RARB: variants seen among roughly 807,000 people sequenced by gnomAD.
RARB encodes HBV-activated protein.
A neutral mutation model predicts 51.9 loss-of-function variants in RARB; 17 were observed. The ratio of observed to expected loss-of-function variants is 0.33; its 90% confidence interval spans 0.22 to 0.49. The LOEUF (loss-of-function observed/expected upper bound fraction) is 0.49, where lower values mean the gene tolerates loss of function less well. Among genes scored for constraint, RARB ranks in the 20% least tolerant of loss-of-function variants. The probability of loss-of-function intolerance (pLI) is 0.99; values close to 1 mark genes in which losing one functional copy is unlikely to be tolerated. For missense variants in RARB, 369 were observed against 550.8 expected (o/e 0.67, Z 3.30); for synonymous variants, 215 against 195.4 (o/e 1.10, Z -0.84).
At chr3:24,937,655 A>C (rs1430547994) in intron 2 of RARB, among the ~76,000 whole-genome samples, 1 of 152,056 alleles carries the variant, frequency 6.6e-6, no homozygotes, top group African/African-American at 2.4e-5. Flanking sequence ...AAACTTCAGA[A>C]CCGTTCAGGG....
chr3:24,896,735 C>T (rs1253275607), intron 2 of RARB, among the ~76,000 whole-genome samples: 1 of 152,160 alleles, frequency 6.6e-6, no homozygotes, highest in African/African-American at 2.4e-5. Context: ...TCTTCCTCTT[C>T]CTATTTCTCC....
At chr3:25,058,368 T>C (rs890950194) in intron 2 of RARB, among the ~76,000 whole-genome samples, 1 of 151,880 alleles carries the variant, frequency 6.6e-6, no homozygotes, top group African/African-American at 2.4e-5. Context: ...AAAGGGTCTT[T>C]ATAGGTTAAA....
intron 4 of RARB, among the ~76,000 whole-genome samples, chr3:25,156,705 CCTT>C (rs1273625409): frequency 6.6e-6 from 1 of 151,970 alleles, no homozygotes; most frequent in East Asian, 1.9e-4. Flanking sequence ...ATTTTTGAGT[CCTT>C]CTTGGCATAA....
At chr3:25,208,402 A>G (rs970224254) in intron 5 of RARB, among the ~76,000 whole-genome samples, 2 of 152,170 alleles carry the variant, frequency 1.3e-5, no homozygotes, top group African/African-American at 4.8e-5. Context: ...ACTTCATTCC[A>G]GTGATTCTGT....
At chr3:25,093,778 T>A (rs1377901349) in intron 3 of RARB, among the ~76,000 whole-genome samples, 1 of 151,964 alleles carries the variant, frequency 6.6e-6, no homozygotes, top group East Asian at 1.9e-4. Flanking sequence ...CAGCCAGAAG[T>A]GACTAAGCTC....
intron 2 of RARB, among the ~76,000 whole-genome samples, chr3:25,049,990 T>C (rs6550939): frequency 0.78 from 118,760 of 152,144 alleles, 46,600 homozygotes; most frequent in East Asian, 0.92. Flanking sequence ...AGGAAGATGA[T>C]ACTATTAACA....
At chr3:25,558,347 C>A (rs1318365722) in intron 3 of RARB, among the ~76,000 whole-genome samples, 1 of 152,164 alleles carries the variant, frequency 6.6e-6, no homozygotes, top group Non-Finnish European at 1.5e-5. Flanking sequence ...GCTCCTTCTT[C>A]ATTCTTTCTG....
chr3:24,957,472 T>C (rs1376542272), intron 2 of RARB, among the ~76,000 whole-genome samples: 1 of 152,224 alleles, frequency 6.6e-6, no homozygotes, highest in Non-Finnish European at 1.5e-5. Context: ...CCCAGTTTGC[T>C]TTACTGTTCT....
intron 5 of RARB, among the ~76,000 whole-genome samples, chr3:25,290,423 G>A (rs1703758391): frequency 6.6e-6 from 1 of 152,114 alleles, no homozygotes; most frequent in South Asian, 2.1e-4. Flanking sequence ...CACACTGCTA[G>A]CCTCCAGAAC....
At chr3:25,053,695 G>C (rs1181487348) in intron 2 of RARB, among the ~76,000 whole-genome samples, 2 of 152,158 alleles carry the variant, frequency 1.3e-5, no homozygotes, top group African/African-American at 4.8e-5. Flanking sequence ...ATGGAGTTCT[G>C]ATAGGTTAGT....
chr3:25,111,592 T>TTTG (rs1699602623), intron 3 of RARB, among the ~76,000 whole-genome samples: 1 of 149,968 alleles, frequency 6.7e-6, no homozygotes, highest in South Asian at 2.1e-4. Flanking sequence ...GGTTTTTTTT[T>TTTG]TTTTTTTTTT....
intron 5 of RARB, among the ~76,000 whole-genome samples, chr3:25,289,182 C>T (rs368545173): frequency 3.0e-4 from 46 of 152,294 alleles, no homozygotes; most frequent in African/African-American, 1.0e-3. Flanking sequence ...CTGTGGTATC[C>T]CATTCAGGTT....
chr3:25,532,695 AATT>A (rs367857817), intron 3 of RARB, among the ~76,000 whole-genome samples: 16 of 152,126 alleles, frequency 1.1e-4, no homozygotes, highest in African/African-American at 3.6e-4. Context: ...TTAACTCTCA[AATT>A]ATTATGAACA....
chr3:24,870,830 T>G (rs372194801), intron 2 of RARB, among the ~76,000 whole-genome samples: 2 of 152,132 alleles, frequency 1.3e-5, no homozygotes, highest in East Asian at 3.9e-4. Context: ...GATAATCACA[T>G]TGGGGTAATT....
chr3:25,167,341 A>G (rs548910338), intron 4 of RARB, among the ~76,000 whole-genome samples: 11 of 152,356 alleles, frequency 7.2e-5, no homozygotes, highest in Admixed American at 2.6e-4. Flanking sequence ...AAATCATCAA[A>G]GATAACAAGA....
At chr3:25,540,893 G>GCTAT (rs1303631636) in intron 3 of RARB, among the ~76,000 whole-genome samples, 3 of 74,592 alleles carry the variant, frequency 4.0e-5, no homozygotes, top group Non-Finnish European at 4.6e-5. Context: ...CTCCTTAATG[G>GCTAT]CTGTCATGAC....
At chr3:25,106,714 C>G (rs1266677771) in intron 3 of RARB, among the ~76,000 whole-genome samples, 3 of 151,492 alleles carry the variant, frequency 2.0e-5, no homozygotes, top group Non-Finnish European at 4.4e-5. Context: ...GTAACACTTT[C>G]CTACTTTCTT....
intron 2 of RARB, among the ~76,000 whole-genome samples, chr3:24,904,920 C>A (rs1371387074): frequency 6.6e-6 from 1 of 152,174 alleles, no homozygotes; most frequent in East Asian, 1.9e-4. Context: ...GAACAAAAAA[C>A]CAAACACTGC....
chr3:24,952,539 G>A lies in RARB; in HGVS notation c.-380+93787G>A, dbSNP rs540383367. ...CATGACTTAACCCTTTGTCTAGTTC[G>A]AATGGCCTCTCCTTCAAGTCCTAGA... On this transcript the variant is annotated intron_variant, in intron 2 of 11. Transcript: ENST00000383772. 5.9e-5 allele frequency among the ~76,000 whole-genome samples: 9 copies of A among 152,144 alleles called. No individual in the cohort carries two copies. In the South Asian group the frequency reaches 1.9e-3, roughly 32 times the overall value.
Sources: allele counts gnomAD v4.1 joint callset (sites outside exome capture counted in the v4.1 genomes callset), GRCh38; gene constraint gnomAD v4.1.1; transcripts MANE v1.5; gene names NCBI Gene and HGNC (gene_info 2026-07-23, HGNC 2026-07-21).